ARID4A: variants seen among roughly 807,000 people sequenced by gnomAD.
The protein encoded by ARID4A is AT-rich interaction domain 4A.
A neutral mutation model predicts 148.6 loss-of-function variants in ARID4A; 39 were observed. The observed-to-expected ratio is 0.26, with a 90% CI of 0.20 to 0.34. The LOEUF is 0.34. ARID4A is among the 10% of genes least tolerant of loss of function. ARID4A has a pLI of 1.00. For synonymous variants in ARID4A, 475 were observed against 481.2 expected (o/e 0.99, Z 0.17); for missense variants, 1,265 against 1,449.1 (o/e 0.87, Z 2.06).
At chr14:58,329,145 A>G (rs1001163434) in intron 9 of ARID4A, among the ~76,000 whole-genome samples, 2 of 152,208 alleles carry the variant, frequency 1.3e-5, no homozygotes, top group African/African-American at 4.8e-5. Context: ...AAATATTTCA[A>G]TATTACTGTC....
intron 11 of ARID4A, among the ~76,000 whole-genome samples, chr14:58,335,525 C>T (rs913434969): frequency 6.6e-6 from 1 of 151,920 alleles, no homozygotes; most frequent in Non-Finnish European, 1.5e-5. Context: ...GTTGGTCAGG[C>T]TGGTCTCAAA....
At chr14:58,320,055 C>T (rs2032761012) in intron 7 of ARID4A, among the ~76,000 whole-genome samples, 1 of 148,494 alleles carries the variant, frequency 6.7e-6, no homozygotes, top group Non-Finnish European at 1.5e-5. Flanking sequence ...TCAAACGATT[C>T]TCCTGCCTCA....
chr14:58,299,735 TC>T (rs1329736730), intron 1 of ARID4A, 62 bp from the exon 2 acceptor site: 1 of 1,436,084 alleles, frequency 7.0e-7, no homozygotes. Flanking sequence ...TTACTTTCTT[TC>T]CCTTGGTCGC....
Position 58,364,730 on chromosome 14 carries a change from G to A in ARID4A, c.2641G>A (p.Val881Ile), listed in dbSNP as rs774970418. The A allele has an allele frequency of 1.1e-5, 18 of 1,613,890 alleles. 1 individual carries two copies. The South Asian group carries it at 1.4e-4, about 13-fold the overall frequency. The change falls in exon 20 of 24, where the codon GTA becomes ATA. Residue 881 changes from valine (V) to isoleucine (I), a missense_variant. By Grantham distance (29) the Val-to-Ile change is conservative. Transcript: ENST00000355431. Reference sequence around the variant, plus strand: ...GAATGGAATGGAAATGACAAATACTGTATCTCAAGAAAGGACCAGTGATTG... The same window carrying A: ...GAATGGAATGGAAATGACAAATACTATATCTCAAGAAAGGACCAGTGATTG... ...IENGMEMTNTVSQERTSDCIG... is the reference protein window; with the variant it reads ...IENGMEMTNTISQERTSDCIG...
chr14:58,336,058 T>A (rs780116173), intron 11 of ARID4A, among the ~76,000 whole-genome samples: 23 of 152,148 alleles, frequency 1.5e-4, no homozygotes, highest in Non-Finnish European at 3.1e-4. Context: ...GTGATTCCTT[T>A]AGGAATAAAA....
In ARID4A at chr14:58,344,103, G is replaced by T. The variant is rs932488761; in HGVS notation, c.907-592G>T. On this transcript the variant is annotated intron_variant, in intron 11 of 23. Coordinates refer to ENST00000355431, the MANE Select transcript of ARID4A (RefSeq NM_002892.4). Reference sequence around the variant, plus strand: ...CTAGAAAGGCAAAAGAGAAAACCAGGTTATTGTGAGATGAGGGGGTGATGA... The same window carrying T: ...CTAGAAAGGCAAAAGAGAAAACCAGTTTATTGTGAGATGAGGGGGTGATGA... Among the ~76,000 whole-genome samples the T allele has an allele frequency of 2.0e-5, 3 of 152,038 alleles. No homozygotes were observed. In the East Asian group the frequency reaches 5.8e-4, roughly 29 times the overall value.
At chr14:58,316,645 A>G (rs1031986716) in intron 5 of ARID4A, among the ~76,000 whole-genome samples, 2 of 152,090 alleles carry the variant, frequency 1.3e-5, no homozygotes, top group Non-Finnish European at 2.9e-5. Context: ...CAATGGCGCA[A>G]TCTCTGCTCA....
At chr14:58,301,516 A>G (rs1238343426) in intron 2 of ARID4A, 64 bp from the exon 3 acceptor site, 5 of 1,102,978 alleles carry the variant, frequency 4.5e-6, no homozygotes, top group Non-Finnish European at 6.7e-6. Flanking sequence ...CCTTTTAATG[A>G]GACTTGAGGT....
At chr14:58,306,725 C>A (rs2031632548) in intron 5 of ARID4A, among the ~76,000 whole-genome samples, 1 of 152,024 alleles carries the variant, frequency 6.6e-6, no homozygotes, top group South Asian at 2.1e-4. Context: ...TGAAAATACA[C>A]AAATTAGCCT....
intron 5 of ARID4A, among the ~76,000 whole-genome samples, chr14:58,309,948 G>T (rs2031893820): frequency 6.6e-6 from 1 of 152,090 alleles, no homozygotes; most frequent in Non-Finnish European, 1.5e-5. Context: ...GGTTTATAAG[G>T]TTTTTAATGT....
chr14:58,324,741 A>C (rs2033122197), intron 8 of ARID4A, among the ~76,000 whole-genome samples: 1 of 152,164 alleles, frequency 6.6e-6, no homozygotes, highest in African/African-American at 2.4e-5. Flanking sequence ...TGTAAACTCT[A>C]CTCAAGTTCT....
At chr14:58,361,631 C>T (rs1435935772) in intron 19 of ARID4A, among the ~76,000 whole-genome samples, 1 of 152,138 alleles carries the variant, frequency 6.6e-6, no homozygotes, top group Non-Finnish European at 1.5e-5. Context: ...CACTAGAATA[C>T]CTGTATCAGC....
rs200348917 is a variant in ARID4A at position 58,330,150 on chromosome 14, A to G, written c.887A>G (p.Lys296Arg). Residue 296 changes from lysine to arginine, a missense_variant, in exon 11 of 24, where the codon AAA becomes AGA. Physicochemically the swap from Lys to Arg is conservative, Grantham distance 26 (BLOSUM62 2). Around this residue, in one of 9 missense-constraint regions of ARID4A, gnomAD observed 249 missense variants for 277.2 expected, o/e 0.90. Coordinates refer to ENST00000355431, the MANE Select transcript of ARID4A (RefSeq NM_002892.4). ...GATGAAGAGAAGGAAAAGGAGGCCA[A>G]AAAGACAGAAGAAGAGGTGGTAGGT... ...ENDEEKEKEA[K>R]KTEEEVPEEE... 68 of 1,612,356 alleles carry G rather than the reference A, an allele frequency of 4.2e-5. No individual in the cohort carries two copies. The East Asian group carries it at 1.5e-3, about 36-fold the overall frequency.
chr14:58,365,314 A>G lies in ARID4A; in HGVS notation c.3211+14A>G, dbSNP rs1261594454. 6.3e-7 allele frequency: 1 copy of G among 1,591,008 alleles called. No homozygotes were observed. The highest frequency in any genetic ancestry group is 8.5e-7 in the Non-Finnish European group (1 of 1,170,282). On this transcript the variant is annotated intron_variant, in intron 20 of 23. Coordinates refer to ENST00000355431, the MANE Select transcript of ARID4A (RefSeq NM_002892.4). ...GCAGAGAGAAGGGTAAGGACTTTCT[A>G]GGGAAAAGTAAGTGTTTATATGAAA...
chr14:58,354,796 C>T (rs1033769237), intron 17 of ARID4A, among the ~76,000 whole-genome samples: 5 of 151,932 alleles, frequency 3.3e-5, no homozygotes, highest in African/African-American at 9.7e-5. Context: ...GAAGGAGAGA[C>T]AGTTAGACCA....
At chr14:58,342,546 T>G (rs892615602) in intron 11 of ARID4A, among the ~76,000 whole-genome samples, 1 of 152,228 alleles carries the variant, frequency 6.6e-6, no homozygotes, top group South Asian at 2.1e-4. Flanking sequence ...ACTTTGATTT[T>G]AGTGCCTTTT....
chr14:58,310,680 G>C (rs2031957078), intron 5 of ARID4A, among the ~76,000 whole-genome samples: 1 of 148,772 alleles, frequency 6.7e-6, no homozygotes, highest in Non-Finnish European at 1.5e-5. Context: ...AGAAAACATA[G>C]GGGAAGAGGC....
Position 58,330,022 on chromosome 14 carries a change from C to A in ARID4A, c.759C>A (p.Ile253=). Reference sequence around the variant, plus strand: ...TCTTAGGGCTTCAGAAAGCAAGCATCTTCTTAAAAACTAGAGTTGTTCCTG... The same window carrying A: ...TCTTAGGGCTTCAGAAAGCAAGCATATTCTTAAAAACTAGAGTTGTTCCTG... ...STKPGLQKAS[I]FLKTRVVPDN... Residue 253 remains isoleucine, a synonymous_variant, in exon 11 of 24, where the codon ATC becomes ATA. Transcript: ENST00000355431. 6.2e-7 allele frequency: 1 copy of A among 1,609,302 alleles called. No individual in the cohort carries two copies. The highest frequency in any genetic ancestry group is 8.5e-7 in the Non-Finnish European group (1 of 1,178,812).
In ARID4A at chr14:58,353,872, T is replaced by C; in HGVS notation, c.1853+17T>C. 1 of 1,597,628 alleles carries C rather than the reference T, an allele frequency of 6.3e-7. No individual in the cohort carries two copies. Among genetic ancestry groups the C allele is most frequent in the Non-Finnish European group, 8.5e-7 (1 of 1,172,948 alleles). ...GAATGTCAGGTAAGCAAGAAACTAT[T>C]TTCTTACTATTGAAATTTTTTCGAT... is the stretch of plus-strand genomic sequence containing the variant. On this transcript the variant is annotated intron_variant, in intron 17 of 23. Transcript: ENST00000355431.
Sources: allele counts gnomAD v4.1 joint callset (sites outside exome capture counted in the v4.1 genomes callset), GRCh38; gene constraint gnomAD v4.1.1; regional missense constraint gnomAD v4.1.1; transcripts MANE v1.5; gene names NCBI Gene and HGNC (gene_info 2026-07-23, HGNC 2026-07-21).